The following DLG2 variants were observed in gnomAD, a reference collection of about 807,000 sequenced individuals.
The protein encoded by DLG2 is discs large MAGUK scaffold protein 2, also known as disks large homolog 2.
In DLG2, 45 loss-of-function variants were observed where a neutral mutation model predicts 132.5. The observed-to-expected ratio is 0.34, with a 90% CI of 0.27 to 0.44. The LOEUF is 0.44. DLG2 is among the 20% of genes least tolerant of loss of function. The pLI, the probability that DLG2 is intolerant of heterozygous loss-of-function variation, is 1.00. For synonymous variants in DLG2, 424 were observed against 419.6 expected, an observed-to-expected ratio of 1.01 and a Z score of -0.13; for missense variants, 1,045 against 1,196.9, an observed-to-expected ratio of 0.87 and a Z score of 1.87.
intron 6 of DLG2, among the ~76,000 whole-genome samples, chr11:84,947,049 G>A (rs915878138): frequency 6.6e-6 from 1 of 152,166 alleles, no homozygotes; most frequent in African/African-American, 2.4e-5. Flanking sequence ...CCTCTCCCAA[G>A]CACACAGATT....
chr11:85,379,368 A>G (rs2085689152), intron 3 of DLG2, among the ~76,000 whole-genome samples: 1 of 152,174 alleles, frequency 6.6e-6, no homozygotes, highest in African/African-American at 2.4e-5. Context: ...ATGTGATATG[A>G]AAGTCACCAA....
intron 3 of DLG2, among the ~76,000 whole-genome samples, chr11:85,321,940 C>T (rs552582078): frequency 5.3e-5 from 8 of 151,748 alleles, no homozygotes; most frequent in South Asian, 4.2e-4. Flanking sequence ...GGGGCAGTTC[C>T]GAGAGAAAAA....
chr11:83,971,329 A>T (rs2091289425), intron 12 of DLG2, among the ~76,000 whole-genome samples: 1 of 152,050 alleles, frequency 6.6e-6, no homozygotes, highest in African/African-American at 2.4e-5. Context: ...TGGAGGTGAG[A>T]TGACTCATTC....
At chr11:84,042,023 C>T (rs879297201) in intron 11 of DLG2, among the ~76,000 whole-genome samples, 65 of 151,996 alleles carry the variant, frequency 4.3e-4, no homozygotes, top group Non-Finnish European at 5.2e-4. Flanking sequence ...TCCCCAGCCA[C>T]GTGAAACTGT....
intron 6 of DLG2, among the ~76,000 whole-genome samples, chr11:84,858,116 C>T (rs2083042979): frequency 6.6e-6 from 1 of 152,058 alleles, no homozygotes; most frequent in Admixed American, 6.6e-5. Flanking sequence ...TGGTCATGAA[C>T]TCTTGAGCTC....
chr11:85,396,042 T>C (rs1305851571), intron 3 of DLG2, among the ~76,000 whole-genome samples: 1 of 151,894 alleles, frequency 6.6e-6, no homozygotes, highest in African/African-American at 2.4e-5. Flanking sequence ...AACAGGTGGG[T>C]GTTCCTCTGG....
intron 6 of DLG2, among the ~76,000 whole-genome samples, chr11:84,722,643 A>G (rs1179014589): frequency 6.6e-6 from 1 of 152,218 alleles, no homozygotes; most frequent in African/African-American, 2.4e-5. Context: ...CATTTTAATC[A>G]GCCCCCTTGT....
chr11:83,704,744 T>C (rs955102657), intron 18 of DLG2, among the ~76,000 whole-genome samples: 10 of 151,864 alleles, frequency 6.6e-5, no homozygotes, highest in South Asian at 2.1e-4. Context: ...GGAGAATCAC[T>C]TGAACCTGGA....
chr11:84,581,148 G>A (rs1042633951), intron 6 of DLG2, among the ~76,000 whole-genome samples: 1 of 152,112 alleles, frequency 6.6e-6, no homozygotes, highest in African/African-American at 2.4e-5. Context: ...ACGAATTGAA[G>A]AACCACATAG....
rs140521471 is a variant in DLG2, at chr11:83,965,957, C to T, written c.1057-489G>A. Among the ~76,000 whole-genome samples the T allele has an allele frequency of 2.2e-3, 327 of 152,080 alleles. 1 individual carries two copies. The highest frequency in any genetic ancestry group is 0.02 in the Middle Eastern group (6 of 294). On this transcript the variant is annotated intron_variant, in intron 12 of 27. Coordinates refer to ENST00000376104, the MANE Select transcript of DLG2 (RefSeq NM_001142699.3). Reference sequence around the variant, plus strand: ...GCAGCAATGTAGTTTAACAAGATGACTTTTGTTTTCTGCAGAGCATTATGT... The same window carrying T: ...GCAGCAATGTAGTTTAACAAGATGATTTTTGTTTTCTGCAGAGCATTATGT...
chr11:85,270,653 T>C (rs1157773747), intron 4 of DLG2, among the ~76,000 whole-genome samples: 1 of 152,170 alleles, frequency 6.6e-6, no homozygotes, highest in Non-Finnish European at 1.5e-5. Context: ...CAAGATGATA[T>C]GAACAACGAA....
At chr11:83,815,789 C>G (rs969146454) in intron 17 of DLG2, among the ~76,000 whole-genome samples, 1 of 152,188 alleles carries the variant, frequency 6.6e-6, no homozygotes, top group Non-Finnish European at 1.5e-5. Flanking sequence ...ATGGGGGCCT[C>G]TGGAAAGTGC....
intron 9 of DLG2, among the ~76,000 whole-genome samples, chr11:84,129,646 A>G (rs896046365): frequency 2.0e-5 from 3 of 152,042 alleles, no homozygotes; most frequent in Admixed American, 6.6e-5. Context: ...ATGCACCACT[A>G]AATTCATTTA....
At chr11:84,333,065 T>C (rs2098468393) in intron 7 of DLG2, among the ~76,000 whole-genome samples, 1 of 152,192 alleles carries the variant, frequency 6.6e-6, no homozygotes, top group Non-Finnish European at 1.5e-5. Context: ...TTTTCAGACA[T>C]CCTCATGACT....
intron 9 of DLG2, among the ~76,000 whole-genome samples, chr11:84,133,904 C>T (rs1180917559): frequency 6.6e-6 from 1 of 152,064 alleles, no homozygotes; most frequent in Non-Finnish European, 1.5e-5. Context: ...CCTTGTAACT[C>T]TGTGACATTC....
intron 4 of DLG2, among the ~76,000 whole-genome samples, chr11:85,261,984 A>G (rs1001110790): frequency 6.6e-6 from 1 of 152,134 alleles, no homozygotes; most frequent in Admixed American, 6.5e-5. Flanking sequence ...GAGAGAGAAA[A>G]AAGTTCATCT....
At chr11:84,632,188 A>G (rs1214522911) in intron 6 of DLG2, among the ~76,000 whole-genome samples, 3 of 152,092 alleles carry the variant, frequency 2.0e-5, no homozygotes, top group African/African-American at 7.2e-5. Context: ...TAGAACTCAG[A>G]GGTTATTCTA....
chr11:84,328,746 A>C (rs931824188), intron 7 of DLG2, among the ~76,000 whole-genome samples: 5 of 152,228 alleles, frequency 3.3e-5, no homozygotes, highest in Admixed American at 6.5e-5. Flanking sequence ...AATATAAATT[A>C]CAGGTCCTCT....
intron 6 of DLG2, among the ~76,000 whole-genome samples, chr11:84,770,633 T>C (rs2069173452): frequency 6.7e-6 from 1 of 150,050 alleles, no homozygotes; most frequent in Non-Finnish European, 1.5e-5. Context: ...GTAAAGGATA[T>C]GATTTCATTC....
Sources: gnomAD v4.1 joint callset for allele counts (sites outside exome capture counted in the v4.1 genomes callset) on GRCh38, gnomAD v4.1.1 for gene constraint, MANE v1.5 for transcripts, NCBI Gene and HGNC (gene_info 2026-07-23, HGNC 2026-07-21) for gene names.